Variants in FBXL7 observed in about 807,000 individuals in gnomAD.
FBXL7 encodes the protein F-box/LRR-repeat protein 7.
FBXL7 carries 12 observed loss-of-function variants against 38.3 expected under a neutral mutation model. The observed-to-expected ratio is 0.31, with a 90% CI of 0.20 to 0.51. The LOEUF (loss-of-function observed/expected upper bound fraction) is 0.51. Among genes scored for constraint, FBXL7 ranks in the 20% least tolerant of loss-of-function variants. The probability of loss-of-function intolerance (pLI) is 0.98; values close to 1 mark genes in which losing one functional copy is unlikely to be tolerated. For synonymous variants in FBXL7, 297 were observed against 300.9 expected, an observed-to-expected ratio of 0.99 and a Z score of 0.13; for missense variants, 567 against 676.4, an observed-to-expected ratio of 0.84 and a Z score of 1.79.
chr5:15,527,498 A>G (rs1737285748), intron 1 of FBXL7, among the ~76,000 whole-genome samples: 1 of 152,220 alleles, frequency 6.6e-6, no homozygotes, highest in Non-Finnish European at 1.5e-5. Context: ...ACGTGTTTTT[A>G]AAGACTTGTG....
intron 1 of FBXL7, among the ~76,000 whole-genome samples, chr5:15,522,803 GTC>G (rs1737137615): frequency 6.6e-6 from 1 of 152,164 alleles, no homozygotes; most frequent in African/African-American, 2.4e-5. Flanking sequence ...TCAGCCCAAA[GTC>G]TCTTTCTACT....
At chr5:15,613,482 A>G (rs1298104645) in intron 1 of FBXL7, among the ~76,000 whole-genome samples, 2 of 152,134 alleles carry the variant, frequency 1.3e-5, no homozygotes, top group African/African-American at 4.8e-5. Flanking sequence ...GTTAACTCTG[A>G]GGGTAGAGGC....
chr5:15,643,097 G>T (rs562885887), intron 2 of FBXL7, among the ~76,000 whole-genome samples: 2 of 152,256 alleles, frequency 1.3e-5, no homozygotes, highest in South Asian at 2.1e-4. Flanking sequence ...AGGTTTTCAC[G>T]TAATGATTTT....
intron 2 of FBXL7, among the ~76,000 whole-genome samples, chr5:15,626,841 C>T (rs1417165680): frequency 1.3e-5 from 2 of 152,076 alleles, no homozygotes; most frequent in African/African-American, 4.8e-5. Context: ...AAGCTTGCAT[C>T]ATTCCTAATT....
intron 1 of FBXL7, among the ~76,000 whole-genome samples, chr5:15,551,665 A>G (rs973998566): frequency 6.6e-6 from 1 of 152,246 alleles, no homozygotes; most frequent in Non-Finnish European, 1.5e-5. Context: ...TTAGAAATTT[A>G]TAAAACATAT....
intron 1 of FBXL7, among the ~76,000 whole-genome samples, chr5:15,524,191 A>G (rs1186777026): frequency 6.6e-6 from 1 of 152,154 alleles, no homozygotes; most frequent in Non-Finnish European, 1.5e-5. Flanking sequence ...TTTAGATACC[A>G]CAGGGCTGTG....
intron 1 of FBXL7, among the ~76,000 whole-genome samples, chr5:15,582,579 T>C (rs1739176646): frequency 6.6e-6 from 1 of 152,250 alleles, no homozygotes; most frequent in Admixed American, 6.5e-5. Flanking sequence ...AGTGACAGTT[T>C]ACTTGACCAA....
chr5:15,899,760 T>G (rs1741189943), intron 2 of FBXL7, among the ~76,000 whole-genome samples: 1 of 152,090 alleles, frequency 6.6e-6, no homozygotes, highest in African/African-American at 2.4e-5. Flanking sequence ...AGAAAAAATT[T>G]CAGGAGCCCA....
At chr5:15,513,386 A>T (rs1209860505) in intron 1 of FBXL7, among the ~76,000 whole-genome samples, 2 of 152,238 alleles carry the variant, frequency 1.3e-5, no homozygotes, top group African/African-American at 4.8e-5. Flanking sequence ...ACAGCTTCAG[A>T]TAAAGGATCA....
chr5:15,768,470 G>T (rs896215591), intron 2 of FBXL7, among the ~76,000 whole-genome samples: 7 of 151,508 alleles, frequency 4.6e-5, no homozygotes, highest in Non-Finnish European at 8.8e-5. Context: ...GGTGGAGGTC[G>T]CAGTGAGCCG....
At chr5:15,539,067 G>A (rs986490772) in intron 1 of FBXL7, among the ~76,000 whole-genome samples, 1 of 152,148 alleles carries the variant, frequency 6.6e-6, no homozygotes, top group Non-Finnish European at 1.5e-5. Flanking sequence ...ATGGTTGGCT[G>A]TTTCACATAA....
intron 2 of FBXL7, among the ~76,000 whole-genome samples, chr5:15,833,841 T>G (rs956055086): frequency 3.3e-5 from 5 of 152,206 alleles, no homozygotes; most frequent in African/African-American, 1.2e-4. Context: ...GGCATGGACA[T>G]TCTAAAATTT....
At chr5:15,806,669 G>A (rs1737720090) in intron 2 of FBXL7, among the ~76,000 whole-genome samples, 1 of 152,168 alleles carries the variant, frequency 6.6e-6, no homozygotes, top group African/African-American at 2.4e-5. Context: ...AGGTCATCCT[G>A]TTCTTTATGA....
chr5:15,650,457 G>C (rs1366452471), intron 2 of FBXL7, among the ~76,000 whole-genome samples: 1 of 152,234 alleles, frequency 6.6e-6, no homozygotes, highest in African/African-American at 2.4e-5. Context: ...TGACTCATCA[G>C]GGTGGTGGTT....
At position 15,928,931 on chromosome 5, in the gene FBXL7, A is replaced by G. The variant is rs1741967326; in HGVS notation, c.739+430A>G. Among the ~76,000 whole-genome samples, 1 of 152,164 alleles carries G rather than the reference A, an allele frequency of 6.6e-6. No homozygotes were observed. The highest frequency in any genetic ancestry group is 2.1e-4 in the South Asian group (1 of 4,832). ...CGACTTTTAAATGTCTTTACTCTTC[A>G]TAACTCTCACAGTTACTTCAGAGCA... On this transcript the variant is annotated intron_variant, in intron 3 of 3. Coordinates refer to ENST00000504595, the MANE Select transcript of FBXL7 (RefSeq NM_012304.5). The surrounding 1 kb of genome is among the most constrained non-coding windows in gnomAD (Gnocchi z 4.0).
intron 1 of FBXL7, among the ~76,000 whole-genome samples, chr5:15,545,746 A>G (rs1737876379): frequency 6.6e-6 from 1 of 152,264 alleles, no homozygotes; most frequent in Non-Finnish European, 1.5e-5. Context: ...GTCATGAAAT[A>G]CATGGAATTA....
chr5:15,502,679 C>T (rs978792500), intron 1 of FBXL7, among the ~76,000 whole-genome samples: 8 of 152,092 alleles, frequency 5.3e-5, no homozygotes, highest in African/African-American at 1.7e-4. Flanking sequence ...ATAGAATGAC[C>T]TTCTTTTTTC....
At chr5:15,753,788 A>G (rs1736215822) in intron 2 of FBXL7, among the ~76,000 whole-genome samples, 1 of 152,212 alleles carries the variant, frequency 6.6e-6, no homozygotes, top group Non-Finnish European at 1.5e-5. Context: ...ATCCCCCTTC[A>G]AAAGTCTTAC....
intron 2 of FBXL7, among the ~76,000 whole-genome samples, chr5:15,892,190 C>T (rs1051601274): frequency 6.6e-6 from 1 of 152,232 alleles, no homozygotes; most frequent in Non-Finnish European, 1.5e-5. Context: ...GAAGACAACA[C>T]TCCAACCAGA....
Sources: allele counts gnomAD v4.1 joint callset (sites outside exome capture counted in the v4.1 genomes callset), GRCh38; gene constraint gnomAD v4.1.1; non-coding constraint Gnocchi (gnomAD v3.1); transcripts MANE v1.5; gene names NCBI Gene and HGNC (gene_info 2026-07-23, HGNC 2026-07-21).